HEATR4: variants seen among roughly 807,000 people sequenced by gnomAD.
HEATR4 encodes the protein HEAT repeat-containing protein 4.
In HEATR4, 95 loss-of-function variants were observed where a neutral mutation model predicts 108.8. The observed-to-expected ratio is 0.87, with a 90% CI of 0.74 to 1.04. The LOEUF (loss-of-function observed/expected upper bound fraction) is 1.04, where lower values mean the gene tolerates loss of function less well. HEATR4 is among the 50% of genes least tolerant of loss of function. The probability of loss-of-function intolerance (pLI) is 0.00; values close to 1 mark genes in which losing one functional copy is unlikely to be tolerated. For missense variants in HEATR4, 1,152 were observed against 1,253.8 expected (o/e 0.92, Z 1.23); for synonymous variants, 443 against 459.4 (o/e 0.96, Z 0.46).
At chr14:73,491,366 A>G in intron 17 of HEATR4, 1 of 1,369,734 alleles carries the variant, frequency 7.3e-7, no homozygotes, top group Non-Finnish European at 9.4e-7. Context: ...CTCCCTGCAG[A>G]CCCCGTCGGC....
intron 1 of HEATR4, among the ~76,000 whole-genome samples, chr14:73,555,096 G>C (rs1295139142): frequency 8.8e-6 from 1 of 113,144 alleles, no homozygotes; most frequent in African/African-American, 2.8e-5. Context: ...TTTATTTAAA[G>C]AAATAGTAAC....
chr14:73,478,966 T>C, intron 17 of HEATR4, 124 bp from the exon 18 acceptor site: 1 of 647,362 alleles, frequency 1.5e-6, no homozygotes, highest in Non-Finnish European at 2.6e-6. Context: ...TGAGACGGAG[T>C]CCCACTCTGT....
intron 17 of HEATR4, among the ~76,000 whole-genome samples, chr14:73,482,292 C>T (rs1249284141): frequency 8.5e-5 from 13 of 152,142 alleles, no homozygotes; most frequent in South Asian, 2.1e-4. Flanking sequence ...AAGCCTGAGG[C>T]GGGCAGATCA....
At chr14:73,512,432 G>T (rs1479733840) in intron 6 of HEATR4, among the ~76,000 whole-genome samples, 1 of 152,140 alleles carries the variant, frequency 6.6e-6, no homozygotes, top group Non-Finnish European at 1.5e-5. Context: ...AAATAAAAGT[G>T]ACAATAAAAC....
At chr14:73,570,303 C>T in the HEATR4 span, among the ~76,000 whole-genome samples, 1 of 151,934 alleles carries the variant, frequency 6.6e-6, no homozygotes, top group Admixed American at 6.6e-5. Flanking sequence ...GGCGCAGTGG[C>T]TCACGCTTGT....
At chr14:73,515,080 A>C (rs1411942759) in intron 5 of HEATR4, among the ~76,000 whole-genome samples, 23 of 146,874 alleles carry the variant, frequency 1.6e-4, no homozygotes, top group Admixed American at 2.7e-4. Flanking sequence ...AAAAAAAAAA[A>C]CAAAAAAAAA....
chr14:73,479,920 T>G (rs1225953039), intron 17 of HEATR4, among the ~76,000 whole-genome samples: 1 of 152,078 alleles, frequency 6.6e-6, no homozygotes, highest in Admixed American at 6.6e-5. Context: ...GGGTAGTCTC[T>G]CTCAGCCTAC....
chr14:73,535,259 A>T lies in HEATR4; in HGVS notation c.-151-5015T>A, dbSNP rs181134410. 1.8e-5 allele frequency among the ~76,000 whole-genome samples: 2 copies of T among 113,786 alleles called. 1 individual carries two copies. The highest frequency in any genetic ancestry group is 1.4e-3 in the East Asian group (2 of 1,440). The allele number at this position is 113,786 out of a possible 152,430, so 74.6% of individuals were successfully genotyped here. ...ACAAATTCCTAGACGTGGAACTGTG[A>T]GTCAAAGAGAAGGGATCTTTTAAAT... On this transcript the variant is annotated intron_variant, in intron 1 of 17. Coordinates refer to ENST00000553558, the MANE Select transcript of HEATR4 (RefSeq NM_001220484.1).
chr14:73,595,472 A>T, the HEATR4 span: 2 of 1,614,032 alleles, frequency 1.2e-6, no homozygotes, highest in African/African-American at 2.7e-5. Context: ...TGGGCATTAC[A>T]TCGAGCCTCC....
the HEATR4 span, among the ~76,000 whole-genome samples, chr14:73,627,444 A>G: frequency 6.6e-6 from 1 of 152,124 alleles, no homozygotes; most frequent in Non-Finnish European, 1.5e-5. Context: ...AGAACTTCTG[A>G]CTAACTGGCT....
At position 73,506,651 on chromosome 14, in the gene HEATR4, G is replaced by A. The variant is rs1320391817; in HGVS notation, c.1882-80C>T. 2.8e-4 allele frequency: 306 copies of A among 1,074,790 alleles called. 1 individual carries two copies. The highest frequency in any genetic ancestry group is 7.7e-5 in the Non-Finnish European group (55 of 710,006). The allele number at this position is 1,074,790 out of a possible 1,614,324, so 66.6% of individuals were successfully genotyped here. A position where few individuals can be genotyped will look rare whatever the true frequency, so the allele number is the denominator to read the frequency against. ...AACCTTGAAGTTACATTCTGAAATG[G>A]CATCCTGCATAATTAATGTCACCAG... On this transcript the variant is annotated intron_variant, in intron 9 of 17. Coordinates refer to ENST00000553558, the MANE Select transcript of HEATR4 (RefSeq NM_001220484.1).
rs186038281 is a variant in HEATR4, at chr14:73,495,509, A to G, written c.2626-122T>C. 5.2e-5 allele frequency: 40 copies of G among 764,276 alleles called. No individual in the cohort carries two copies. The East Asian group carries it at 8.8e-4, about 17-fold the overall frequency. The allele number at this position is 764,276 out of a possible 1,614,324, so 47.3% of individuals were successfully genotyped here. On this transcript the variant is annotated intron_variant, in intron 15 of 17. Transcript: ENST00000553558. ...GAGGAGGGAGGATCACTTGAGCCCA[A>G]CAGTTCAAGGCTACAGTGAGCTGTG...
In HEATR4 at chr14:73,492,735, A is replaced by T. The variant is rs1471504860; in HGVS notation, c.2844+331T>A. ...TTGTTTCTCTATTACACAGTGGAAA[A>T]CTCCCGTGTGTATCATCTGGAAGAA... On this transcript the variant is annotated intron_variant, in intron 17 of 17. Coordinates refer to ENST00000553558, the MANE Select transcript of HEATR4 (RefSeq NM_001220484.1). This position sits in a 1 kb window ranked among gnomAD's most constrained non-coding sequence, Gnocchi z 4.9. 6.2e-7 allele frequency: 1 copy of T among 1,613,554 alleles called. No individual in the cohort carries two copies. Among genetic ancestry groups the T allele is most frequent in the Non-Finnish European group, 8.5e-7 (1 of 1,179,824 alleles).
At chr14:73,616,253 C>A in the HEATR4 span, among the ~76,000 whole-genome samples, 3 of 151,952 alleles carry the variant, frequency 2.0e-5, no homozygotes, top group African/African-American at 7.3e-5. Context: ...TAGGCATGAA[C>A]CACCACACCT....
chr14:73,612,785 T>A, the HEATR4 span: 146 of 1,363,066 alleles, frequency 1.1e-4, no homozygotes, highest in Admixed American at 2.6e-3. Flanking sequence ...GGGAGGCAGC[T>A]TCGCGGGGCT....
chr14:73,549,258 ATG>A lies in HEATR4; in HGVS notation c.-152+9491_-152+9492del, dbSNP rs200402383. ...ACAGTCACTTCCCAAATGCCTCGTGATGTGTGTGTGTGTCTGTGTGTGTGTGT... is the reference window on the plus strand; with the variant it reads ...ACAGTCACTTCCCAAATGCCTCGTGATGTGTGTGTGTCTGTGTGTGTGTGT... On this transcript the variant is annotated intron_variant, in intron 1 of 17. Coordinates refer to ENST00000553558, the MANE Select transcript of HEATR4 (RefSeq NM_001220484.1). 4.7e-4 allele frequency among the ~76,000 whole-genome samples: 53 copies of A among 112,052 alleles called. 20 individuals are homozygous for A. The East Asian group carries it at 0.03, about 64-fold the overall frequency. The allele number at this position is 112,052 out of a possible 152,430, so 73.5% of individuals were successfully genotyped here.
At chr14:73,510,015 A>G (rs1887141646) in intron 7 of HEATR4, among the ~76,000 whole-genome samples, 1 of 150,564 alleles carries the variant, frequency 6.6e-6, no homozygotes, top group Non-Finnish European at 1.5e-5. Context: ...CTGGGACTAC[A>G]GGCACCCAGC....
the HEATR4 span, among the ~76,000 whole-genome samples, chr14:73,623,186 C>T: frequency 2.0e-5 from 3 of 152,148 alleles, no homozygotes; most frequent in African/African-American, 7.2e-5. Context: ...GCTGGGATTA[C>T]AGGCATGAGC....
chr14:73,598,593 G>A, the HEATR4 span, among the ~76,000 whole-genome samples: 6 of 152,174 alleles, frequency 3.9e-5, no homozygotes, highest in Admixed American at 1.3e-4. Flanking sequence ...TGGGACAGGC[G>A]CTGTGGCTCA....
Sources: allele counts gnomAD v4.1 joint callset (sites outside exome capture counted in the v4.1 genomes callset), GRCh38; gene constraint gnomAD v4.1.1; non-coding constraint Gnocchi (gnomAD v3.1); transcripts MANE v1.5; gene names NCBI Gene and HGNC (gene_info 2026-07-23, HGNC 2026-07-21).